Variants in COBLL1 observed in about 807,000 individuals in gnomAD.
The protein encoded by COBLL1 is cordon-bleu protein-like 1.
Under a neutral mutation model 94.8 loss-of-function variants are expected in COBLL1, and 50 were observed. That is an observed-to-expected ratio of 0.53 (90% CI 0.42 to 0.67). The LOEUF (loss-of-function observed/expected upper bound fraction) is 0.67, where lower values mean the gene tolerates loss of function less well. Among genes scored for constraint, COBLL1 ranks in the 30% least tolerant of loss-of-function variants. The pLI is 0.00. For missense variants in COBLL1, 1,362 were observed against 1,348.7 expected (o/e 1.01, Z -0.15); for synonymous variants, 448 against 473.8 (o/e 0.95, Z 0.71).
rs138327566 is a variant in COBLL1, at chr2:164,825,643, T to A, written c.41+15513A>T. ...ATACAAATCAATAAATCCATTTGAC[T>A]GTATTTACTCTATTAAAAGCTTTTA... On this transcript the variant is annotated intron_variant, in intron 2 of 13. Coordinates refer to ENST00000652658, the MANE Select transcript of COBLL1 (RefSeq NM_001365672.2). Among the ~76,000 whole-genome samples the A allele has an allele frequency of 2.4e-4, 36 of 152,348 alleles. No homozygotes were observed. The East Asian group carries it at 6.6e-3, about 28-fold the overall frequency.
At chr2:164,709,696 A>C (rs1198420021) in intron 7 of COBLL1, among the ~76,000 whole-genome samples, 4 of 152,172 alleles carry the variant, frequency 2.6e-5, no homozygotes, top group African/African-American at 4.8e-5. Flanking sequence ...CAGCCTAGGC[A>C]ACAAGAGTGA....
chr2:164,832,487 A>T (rs1683122134), intron 2 of COBLL1, among the ~76,000 whole-genome samples: 1 of 152,160 alleles, frequency 6.6e-6, no homozygotes, highest in East Asian at 1.9e-4. Context: ...TATTTAAAAA[A>T]ATCAGATTTT....
At chr2:164,701,871 A>G (rs946245001) in intron 9 of COBLL1, among the ~76,000 whole-genome samples, 4 of 77,498 alleles carry the variant, frequency 5.2e-5, no homozygotes, top group African/African-American at 2.2e-4. Context: ...ATTTAATTTT[A>G]TCCCAAGGCT....
At chr2:164,832,996 T>C (rs1160733457) in intron 2 of COBLL1, among the ~76,000 whole-genome samples, 2 of 151,946 alleles carry the variant, frequency 1.3e-5, no homozygotes, top group East Asian at 3.9e-4. Flanking sequence ...TGAGCCGAGA[T>C]AGCGCCATTG....
intron 4 of COBLL1, among the ~76,000 whole-genome samples, chr2:164,729,585 T>A (rs892784726): frequency 6.6e-6 from 1 of 152,136 alleles, no homozygotes; most frequent in Non-Finnish European, 1.5e-5. Context: ...AAAAAATTAC[T>A]TTAAGAAATT....
chr2:164,720,740 T>G (rs1289830819), intron 7 of COBLL1, among the ~76,000 whole-genome samples: 1 of 152,176 alleles, frequency 6.6e-6, no homozygotes, highest in Admixed American at 6.5e-5. Context: ...TTCACATTCC[T>G]GCGTCTCTTA....
At chr2:164,730,343 A>AAC (rs1553472481) in intron 3 of COBLL1, among the ~76,000 whole-genome samples, 1 of 151,268 alleles carries the variant, frequency 6.6e-6, no homozygotes, top group Non-Finnish European at 1.5e-5. Context: ...TAAAAAAAAA[A>AAC]AACAATAGCC....
intron 2 of COBLL1, among the ~76,000 whole-genome samples, chr2:164,779,360 T>G (rs1266924246): frequency 6.6e-6 from 1 of 152,098 alleles, no homozygotes; most frequent in African/African-American, 2.4e-5. Context: ...TCTTGATAAC[T>G]TGAAGGAATC....
intron 2 of COBLL1, among the ~76,000 whole-genome samples, chr2:164,810,121 A>G (rs1684389420): frequency 6.6e-6 from 1 of 151,762 alleles, no homozygotes; most frequent in Non-Finnish European, 1.5e-5. Flanking sequence ...AACAGACATC[A>G]TCTTATAATC....
At chr2:164,817,217 G>T (rs995992858) in intron 2 of COBLL1, among the ~76,000 whole-genome samples, 1 of 152,066 alleles carries the variant, frequency 6.6e-6, no homozygotes, top group Non-Finnish European at 1.5e-5. Context: ...AACAACTTTG[G>T]AACCCACAGT....
intron 2 of COBLL1, among the ~76,000 whole-genome samples, chr2:164,771,494 A>C (rs1509099): frequency 0.19 from 28,996 of 151,958 alleles, 2,927 homozygotes; most frequent in East Asian, 0.26. Context: ...ACTTAAGTAC[A>C]TTTTGCAAAA....
chr2:164,735,139 T>C (rs1686230628), intron 3 of COBLL1, among the ~76,000 whole-genome samples: 1 of 152,130 alleles, frequency 6.6e-6, no homozygotes, highest in African/African-American at 2.4e-5. Context: ...GACCACATCT[T>C]AGTAATCTTT....
At chr2:164,822,726 AT>A (rs1553482539) in intron 2 of COBLL1, among the ~76,000 whole-genome samples, 41 of 74,556 alleles carry the variant, frequency 5.5e-4, no homozygotes, top group African/African-American at 2.4e-3. Flanking sequence ...CTCTGAAAAG[AT>A]TATATTATAT....
intron 2 of COBLL1, among the ~76,000 whole-genome samples, chr2:164,794,095 GT>G (rs1683319249): frequency 6.6e-6 from 1 of 152,114 alleles, no homozygotes; most frequent in Admixed American, 6.5e-5. Flanking sequence ...TTTGAAGGAA[GT>G]TCACAGCAGA....
chr2:164,692,059 G>T (rs10490694), intron 13 of COBLL1, among the ~76,000 whole-genome samples, 162 bp downstream of exon 13: 2 of 152,044 alleles, frequency 1.3e-5, no homozygotes, highest in African/African-American at 4.8e-5. Context: ...TTTCAAGTAC[G>T]TGTAAGACTC....
intron 2 of COBLL1, among the ~76,000 whole-genome samples, chr2:164,765,389 G>A (rs1687880990): frequency 6.6e-6 from 1 of 152,196 alleles, no homozygotes; most frequent in Non-Finnish European, 1.5e-5. Flanking sequence ...GAATCAAAAT[G>A]TAGGAACAAA....
intron 2 of COBLL1, among the ~76,000 whole-genome samples, chr2:164,784,055 G>A (rs1056131363): frequency 7.2e-5 from 11 of 152,010 alleles, no homozygotes; most frequent in African/African-American, 2.7e-4. Flanking sequence ...GGAGAAGGAG[G>A]TGGCAAGACC....
chr2:164,709,763 A>C (rs1398766177), intron 7 of COBLL1, among the ~76,000 whole-genome samples: 2 of 152,102 alleles, frequency 1.3e-5, no homozygotes, highest in African/African-American at 2.4e-5. Flanking sequence ...ATTAGAGGAA[A>C]GTGAACATGA....
chr2:164,686,660 T>G (rs1291700546), intron 13 of COBLL1, among the ~76,000 whole-genome samples: 1 of 152,160 alleles, frequency 6.6e-6, no homozygotes, highest in African/African-American at 2.4e-5. Flanking sequence ...AAGTCTTCTA[T>G]TCACAAACTA....
Sources: allele counts gnomAD v4.1 joint callset (sites outside exome capture counted in the v4.1 genomes callset), GRCh38; gene constraint gnomAD v4.1.1; transcripts MANE v1.5; gene names NCBI Gene and HGNC (gene_info 2026-07-23, HGNC 2026-07-21).